AAR2: variants seen among roughly 807,000 people sequenced by gnomAD.
AAR2 encodes AAR2 splicing factor.
Under a neutral mutation model 26.9 loss-of-function variants are expected in AAR2, and 31 were observed. That is an observed-to-expected ratio of 1.15 (90% CI 0.86 to 1.55). The LOEUF (loss-of-function observed/expected upper bound fraction) is 1.55, where lower values mean the gene tolerates loss of function less well. Ranked by LOEUF, AAR2 falls within the 40% of genes most tolerant of loss-of-function variation. The probability of loss-of-function intolerance (pLI) is 0.00; values close to 1 mark genes in which losing one functional copy is unlikely to be tolerated. For synonymous variants in AAR2, 188 were observed against 196.1 expected, an observed-to-expected ratio of 0.96 and a Z score of 0.34; for missense variants, 430 against 491.3, an observed-to-expected ratio of 0.88 and a Z score of 1.18.
rs893865271 is a variant in AAR2, at chr20:36,256,804, T to C, written c.*1059T>C. The stretch of plus-strand genomic sequence containing the variant: ...GATCACAGTCCCTGTGCCATCCTTT[T>C]CCAAGACTGGGGCTCACACCATGTT... On this transcript the variant is annotated 3_prime_UTR_variant, in exon 4 of 4. Transcript: ENST00000320849. 1 of 152,660 alleles carries C rather than the reference T, an allele frequency of 6.6e-6. No homozygotes were observed. The highest frequency in any genetic ancestry group is 1.5e-5 in the Non-Finnish European group (1 of 68,052). 9.5% of individuals were successfully genotyped at this position (152,660 alleles called of 1,614,324 possible). A position where few individuals can be genotyped will look rare whatever the true frequency, so the allele number is the denominator to read the frequency against.
chr20:36,248,610 T>C (rs568288506), intron 3 of AAR2, among the ~76,000 whole-genome samples: 5 of 152,224 alleles, frequency 3.3e-5, no homozygotes, highest in African/African-American at 9.6e-5. Flanking sequence ...ATCATCAATA[T>C]GTTGTCAAGG....
chr20:36,252,348 G>A (rs746416262), intron 3 of AAR2, among the ~76,000 whole-genome samples: 6 of 152,062 alleles, frequency 3.9e-5, no homozygotes, highest in African/African-American at 9.7e-5. Flanking sequence ...TTTGTGTGTC[G>A]GGCGCTGTGC....
rs145177324 is a variant in AAR2, at chr20:36,255,756, G to A, written c.*11G>A. The A allele has an allele frequency of 1.2e-3, 1,901 of 1,613,690 alleles. 3 individuals are homozygous for A. The highest frequency in any genetic ancestry group is 1.4e-3 in the Non-Finnish European group (1,686 of 1,179,758). ...ATCGAGATGGGCTAACTCGGGGAGCGCTCTCAGCTGCGAGGGGCCCCTTCC... is the reference window on the plus strand; with the variant it reads ...ATCGAGATGGGCTAACTCGGGGAGCACTCTCAGCTGCGAGGGGCCCCTTCC... On this transcript the variant is annotated 3_prime_UTR_variant, in exon 4 of 4. Coordinates refer to ENST00000320849, the MANE Select transcript of AAR2 (RefSeq NM_001271874.2).
rs1427780403 is a variant in AAR2 at position 36,240,250 on chromosome 20, G to A, written c.382G>A (p.Ala128Thr). The change falls in exon 2 of 4, where the codon GCC (alanine) becomes ACC (threonine). Residue 128 changes from alanine to threonine, a missense_variant. Transcript: ENST00000320849. ...CCAGTTCCTGGGGCCTTACCCATAT[G>A]CCACCCTGAAGAAGTGGATCTCACT... ...LDQFLGPYPY[A>T]TLKKWISLTN... is the part of the protein sequence containing the mutation. The A allele has an allele frequency of 6.2e-7, 1 of 1,614,086 alleles. No homozygotes were observed. The highest frequency in any genetic ancestry group is 1.3e-5 in the African/African-American group (1 of 74,928).
chr20:36,247,399 G>A (rs538992866), intron 3 of AAR2, among the ~76,000 whole-genome samples: 4 of 152,226 alleles, frequency 2.6e-5, no homozygotes, highest in African/African-American at 9.6e-5. Context: ...TCCTCATTGC[G>A]TGGAAAATTA....
Position 36,244,876 on chromosome 20 carries a change from T to G in AAR2, c.937T>G (p.Phe313Val). The G allele has an allele frequency of 1.2e-6, 2 of 1,614,218 alleles. No individual in the cohort carries two copies. The highest frequency in any genetic ancestry group is 4.5e-5 in the East Asian group (2 of 44,888). The change falls in exon 3 of 4, where the codon TTC becomes GTC. Residue 313 changes from phenylalanine (F) to valine (V), a missense_variant. Coordinates refer to ENST00000320849, the MANE Select transcript of AAR2 (RefSeq NM_001271874.2). Reference protein sequence around the residue: ...YHQLGEIPADFFVDIVSQDNF... With the variant: ...YHQLGEIPADVFVDIVSQDNF... ...CCAGCTTGGTGAGATCCCCGCTGACTTCTTCGTAGACATTGTCTCCCAAGA... is the reference window on the plus strand; with the variant it reads ...CCAGCTTGGTGAGATCCCCGCTGACGTCTTCGTAGACATTGTCTCCCAAGA...
At chr20:36,242,855 T>C (rs981685551) in intron 2 of AAR2, among the ~76,000 whole-genome samples, 4 of 78,242 alleles carry the variant, frequency 5.1e-5, no homozygotes, top group African/African-American at 2.1e-4. Flanking sequence ...ACTTTGTTGG[T>C]TTTTTTTTTT....
rs2064817257 is a variant in AAR2, at chr20:36,255,902, ATTTC to A, written c.*160_*163del. The A allele has an allele frequency of 1.0e-6, 1 of 993,580 alleles. No homozygotes were observed. The highest frequency in any genetic ancestry group is 1.6e-5 in the African/African-American group (1 of 61,094). 61.5% of individuals were successfully genotyped at this position (993,580 alleles called of 1,614,324 possible). A position where few individuals can be genotyped will look rare whatever the true frequency, so the allele number is the denominator to read the frequency against. ...AATTCCCTTTTTCACTGATAAATAT[ATTTC>A]TTCATTGCCAAAGAGGCTGTACCCA... On this transcript the variant is annotated 3_prime_UTR_variant, in exon 4 of 4. Transcript: ENST00000320849.
intron 3 of AAR2, among the ~76,000 whole-genome samples, chr20:36,254,076 A>G: frequency 6.6e-6 from 1 of 152,328 alleles, no homozygotes; most frequent in South Asian, 2.1e-4. Flanking sequence ...ATGATCCAAC[A>G]GCTCCACTCC....
At chr20:36,241,244 C>T (rs1406815376) in intron 2 of AAR2, among the ~76,000 whole-genome samples, 1 of 152,094 alleles carries the variant, frequency 6.6e-6, no homozygotes, top group South Asian at 2.1e-4. Flanking sequence ...CTATGTATTT[C>T]ATTTCAATGT....
chr20:36,240,025 C>G lies in AAR2; in HGVS notation c.157C>G (p.Pro53Ala), dbSNP rs2064659223. The G allele has an allele frequency of 1.2e-6, 2 of 1,614,102 alleles. No individual in the cohort carries two copies. The highest frequency in any genetic ancestry group is 2.7e-5 in the African/African-American group (2 of 74,930). Residue 53 changes from proline to alanine, a missense_variant, in exon 2 of 4, where the codon CCA (proline) becomes GCA (alanine). Coordinates refer to ENST00000320849, the MANE Select transcript of AAR2 (RefSeq NM_001271874.2). ...PKFRGVKMIPPGIHFLHYSSV... is the reference protein window; with the variant it reads ...PKFRGVKMIPAGIHFLHYSSV... ...GTTCCGGGGCGTGAAGATGATCCCT[C>G]CAGGCATCCACTTCCTCCACTACAG...
intron 3 of AAR2, among the ~76,000 whole-genome samples, chr20:36,255,205 T>C (rs2064809574): frequency 6.6e-6 from 1 of 152,242 alleles, no homozygotes; most frequent in Non-Finnish European, 1.5e-5. Context: ...CCTGGGACTT[T>C]ATGGGATCCA....
chr20:36,253,464 A>G (rs1337051849), intron 3 of AAR2, among the ~76,000 whole-genome samples: 5 of 152,216 alleles, frequency 3.3e-5, no homozygotes, highest in African/African-American at 4.8e-5. Flanking sequence ...TTTCCTTAAA[A>G]TAGGCATTCT....
chr20:36,242,364 TTTGTTG>T (rs78763281), intron 2 of AAR2, among the ~76,000 whole-genome samples: 5,020 of 145,198 alleles, frequency 0.035, 86 homozygotes, highest in Non-Finnish European at 0.04. Context: ...AGGTACATCT[TTTGTTG>T]TTGTTGTTGT....
chr20:36,248,535 G>A (rs898886908), intron 3 of AAR2, among the ~76,000 whole-genome samples: 3 of 151,904 alleles, frequency 2.0e-5, no homozygotes, highest in East Asian at 3.9e-4. Context: ...ATGAGGTTTC[G>A]CCATGTTGGC....
Position 36,255,954 on chromosome 20 carries a change from TC to T in AAR2, c.*213del. The stretch of plus-strand genomic sequence containing the variant: ...CCATCCTGAAGGCACATTTGTGGGT[TC>T]CCCATCAGCCAGGCCTTGGTGCTAA... On this transcript the variant is annotated 3_prime_UTR_variant, in exon 4 of 4. Transcript: ENST00000320849. 1.5e-6 allele frequency: 1 copy of T among 663,970 alleles called. No homozygotes were observed. Among genetic ancestry groups the T allele is most frequent in the Non-Finnish European group, 2.4e-6 (1 of 410,100 alleles). 41.1% of individuals were successfully genotyped at this position (663,970 alleles called of 1,614,324 possible). A position where few individuals can be genotyped will look rare whatever the true frequency, so the allele number is the denominator to read the frequency against.
At chr20:36,247,422 T>C (rs559540011) in intron 3 of AAR2, among the ~76,000 whole-genome samples, 3 of 152,162 alleles carry the variant, frequency 2.0e-5, no homozygotes, top group Admixed American at 6.5e-5. Context: ...AGCCTAAACA[T>C]TGGTCGCAAA....
At chr20:36,253,264 C>T (rs2064794732) in intron 3 of AAR2, among the ~76,000 whole-genome samples, 1 of 152,300 alleles carries the variant, frequency 6.6e-6, no homozygotes, top group South Asian at 2.1e-4. Context: ...TCTCCTGCGG[C>T]CCAGCATTTT....
intron 1 of AAR2, among the ~76,000 whole-genome samples, chr20:36,239,366 AT>A (rs761194925): frequency 2.6e-5 from 4 of 152,182 alleles, no homozygotes; most frequent in Non-Finnish European, 4.4e-5. Flanking sequence ...ATCTTTCCAA[AT>A]CTTTTGGGAT....
Sources: gnomAD v4.1 joint callset for allele counts (sites outside exome capture counted in the v4.1 genomes callset) on GRCh38, gnomAD v4.1.1 for gene constraint, MANE v1.5 for transcripts, NCBI Gene and HGNC (gene_info 2026-07-23, HGNC 2026-07-21) for gene names.